Variants in ZNF77 observed in about 807,000 individuals in gnomAD.
The protein encoded by ZNF77 is ZNFpT1.
Under a neutral mutation model 13.5 loss-of-function variants are expected in ZNF77, and 15 were observed. The ratio of observed to expected loss-of-function variants is 1.11; its 90% CI spans 0.74 to 1.71. The LOEUF is 1.71. ZNF77 is among the 40% of genes most tolerant of loss of function. The pLI is 0.00. For missense variants in ZNF77, 717 were observed against 676.4 expected (o/e 1.06, Z -0.67); for synonymous variants, 282 against 250.0 (o/e 1.13, Z -1.21).
At chr19:2,937,199 T>C (rs960706668) in intron 2 of ZNF77, among the ~76,000 whole-genome samples, 1 of 151,780 alleles carries the variant, frequency 6.6e-6, no homozygotes, top group Non-Finnish European at 1.5e-5. Flanking sequence ...AAAAAAAGAA[T>C]AGTGCTGGAT....
intron 2 of ZNF77, among the ~76,000 whole-genome samples, chr19:2,937,004 G>C (rs2088403737): frequency 6.6e-6 from 1 of 151,994 alleles, no homozygotes; most frequent in Non-Finnish European, 1.5e-5. Context: ...GGAAAATAAG[G>C]AGACCTCATC....
chr19:2,938,052 C>G (rs570597701), intron 2 of ZNF77, among the ~76,000 whole-genome samples: 2 of 152,180 alleles, frequency 1.3e-5, no homozygotes, highest in African/African-American at 4.8e-5. Context: ...CCACTGCGTG[C>G]GGCCAGGGGT....
intron 1 of ZNF77, chr19:2,939,937 G>C (rs1451049045): frequency 6.4e-6 from 1 of 157,424 alleles, no homozygotes; most frequent in African/African-American, 2.4e-5. Flanking sequence ...CTATGACTGT[G>C]CCACTGCACT....
chr19:2,936,786 T>C (rs964483214), intron 2 of ZNF77, 82 bp from the exon 3 acceptor site: 14 of 1,292,226 alleles, frequency 1.1e-5, no homozygotes, highest in African/African-American at 1.5e-5. Context: ...TCTTTTCATA[T>C]AGTAATCCAA....
rs375971545 is a variant in ZNF77, at chr19:2,933,444, G to C, written c.*45C>G. ...ATAACGTTTCTCACATTTACAACAA[G>C]GTTTTACGGTTGAACACTCTCCCAG... is the stretch of plus-strand genomic sequence containing the variant. On this transcript the variant is annotated 3_prime_UTR_variant, in exon 4 of 4. Transcript: ENST00000314531. 2.5e-5 allele frequency: 37 copies of C among 1,501,692 alleles called. No homozygotes were observed. The highest frequency in any genetic ancestry group is 2.3e-4 in the Middle Eastern group (1 of 4,348). 93.0% of individuals were successfully genotyped at this position (1,501,692 alleles called of 1,614,324 possible).
Position 2,944,904 on chromosome 19 carries a change from G to A in ZNF77, c.-64C>T. On this transcript the variant is annotated 5_prime_UTR_variant, in exon 1 of 4. Coordinates refer to ENST00000314531, the MANE Select transcript of ZNF77 (RefSeq NM_021217.3). ...GCGGTCCAGCGACCGGCGCAGGTGA[G>A]CACGACAGGACACCTGAGCCGCTCG... 7 of 1,507,986 alleles carry A rather than the reference G, an allele frequency of 4.6e-6. No homozygotes were observed. In the Admixed American group the frequency reaches 1.1e-4, roughly 23 times the overall value. The allele number at this position is 1,507,986 out of a possible 1,614,324, so 93.4% of individuals were successfully genotyped here.
rs76396690 is a variant in ZNF77 at position 2,934,696 on chromosome 19, C to A, written c.431G>T (p.Cys144Phe). 2,485 of 1,614,130 alleles carry A rather than the reference C, an allele frequency of 1.5e-3. 17 individuals carry two copies. The African/African-American group carries it at 0.022, about 14-fold the overall frequency. ...SYPTEAKPSE[C>F]TKCGKAFENR... The stretch of plus-strand genomic sequence containing the variant: ...CTCGAAGGCTTTGCCACACTTAGTG[C>A]ACTCAGAGGGTTTAGCTTCGGTAGG... Residue 144 changes from cysteine (C) to phenylalanine (F), a missense_variant, in exon 4 of 4, where the codon TGC becomes TTC. Physicochemically the swap from Cys to Phe is radical, Grantham distance 205. Transcript: ENST00000314531.
At position 2,933,746 on chromosome 19, in the gene ZNF77, C is replaced by G; in HGVS notation, c.1381G>C (p.Glu461Gln). Reference sequence around the variant, plus strand: ...CATTGATTACATTCGTACGGTTTCTCTCCGCTGTGGGTTCGCACATGCTCT... The same window carrying G: ...CATTGATTACATTCGTACGGTTTCTGTCCGCTGTGGGTTCGCACATGCTCT... ...LREHVRTHSGEKPYECNQCGK... is the reference protein window; with the variant it reads ...LREHVRTHSGQKPYECNQCGK... The change falls in exon 4 of 4, where the codon GAG (glutamate) becomes CAG (glutamine). Residue 461 changes from glutamate to glutamine, a missense_variant. Transcript: ENST00000314531. 6.2e-7 allele frequency: 1 copy of G among 1,612,882 alleles called. No individual in the cohort carries two copies. The highest frequency in any genetic ancestry group is 8.5e-7 in the Non-Finnish European group (1 of 1,178,992).
rs1472585163 is a variant in ZNF77 at position 2,944,789 on chromosome 19, C to G, written c.3+49G>C. 7 of 1,495,116 alleles carry G rather than the reference C, an allele frequency of 4.7e-6. No homozygotes were observed. The East Asian group carries it at 1.8e-4, about 39-fold the overall frequency. The allele number at this position is 1,495,116 out of a possible 1,614,324, so 92.6% of individuals were successfully genotyped here. ...GAACTCGGGCGGAAGCCGGTTCCTG[C>G]CGCCCCACCTCGCCCTGGGCCCGGG... On this transcript the variant is annotated intron_variant, in intron 1 of 3. Coordinates refer to ENST00000314531, the MANE Select transcript of ZNF77 (RefSeq NM_021217.3).
chr19:2,937,250 G>A (rs374010315), intron 2 of ZNF77, among the ~76,000 whole-genome samples: 4 of 152,038 alleles, frequency 2.6e-5, no homozygotes, highest in African/African-American at 4.8e-5. Flanking sequence ...TTGGGAGGCC[G>A]AAGCGGGTGG....
At chr19:2,938,084 C>T (rs980050191) in intron 2 of ZNF77, among the ~76,000 whole-genome samples, 11 of 152,094 alleles carry the variant, frequency 7.2e-5, no homozygotes, top group Admixed American at 7.2e-4. Context: ...ACCCACGATG[C>T]CAAACGGAAC....
chr19:2,937,690 C>A (rs975597218), intron 2 of ZNF77, among the ~76,000 whole-genome samples: 3 of 152,040 alleles, frequency 2.0e-5, no homozygotes, highest in African/African-American at 7.2e-5. Context: ...GCAGGAGAAG[C>A]CACACAGGGC....
chr19:2,933,776 G>A lies in ZNF77; in HGVS notation c.1351C>T (p.Leu451Phe), dbSNP rs1408222622. The change falls in exon 4 of 4, where the codon CTT becomes TTT. Residue 451 changes from leucine to phenylalanine, a missense_variant. By Grantham distance (22) the Leu-to-Phe change is conservative. Coordinates refer to ENST00000314531, the MANE Select transcript of ZNF77 (RefSeq NM_021217.3). ...CTGTGGGTTCGCACATGCTCTCGAA[G>A]GGAGGAGTGACAGCTGAAGGCTTTC... The part of the protein sequence containing the change: ...CGKAFSCHSS[L>F]REHVRTHSGE... The A allele has an allele frequency of 1.2e-6, 2 of 1,613,130 alleles. No individual in the cohort carries two copies. Among genetic ancestry groups the A allele is most frequent in the East Asian group, 2.2e-5 (1 of 44,854 alleles).
At chr19:2,934,944 T>C (rs2088382871) in intron 3 of ZNF77, 129 bp from the exon 4 acceptor site, 2 of 1,226,892 alleles carry the variant, frequency 1.6e-6, no homozygotes, top group Middle Eastern at 2.9e-4. Context: ...TTCAGCACTG[T>C]CTGCCTGGTT....
chr19:2,942,004 G>A (rs940548217), intron 1 of ZNF77, among the ~76,000 whole-genome samples: 2 of 151,614 alleles, frequency 1.3e-5, no homozygotes, highest in African/African-American at 4.8e-5. Context: ...AGTGGCAGAA[G>A]GCAAAGAACA....
intron 1 of ZNF77, among the ~76,000 whole-genome samples, chr19:2,943,514 T>C (rs539706423): frequency 3.8e-4 from 58 of 151,794 alleles, no homozygotes; most frequent in Non-Finnish European, 5.7e-4. Flanking sequence ...TCCCCTGAGC[T>C]AGCTGACCAC....
chr19:2,944,232 T>C (rs1367696082), intron 1 of ZNF77, among the ~76,000 whole-genome samples: 1 of 90,976 alleles, frequency 1.1e-5, no homozygotes. Context: ...CTGCCCCCCT[T>C]AAAGTGCCCC....
At chr19:2,937,762 T>C (rs1000851441) in intron 2 of ZNF77, among the ~76,000 whole-genome samples, 1 of 151,660 alleles carries the variant, frequency 6.6e-6, no homozygotes, top group African/African-American at 2.4e-5. Flanking sequence ...TTTTTTGTTT[T>C]GTTTTGTTTT....
chr19:2,938,700 T>G (rs963760954), intron 2 of ZNF77, among the ~76,000 whole-genome samples: 1 of 152,176 alleles, frequency 6.6e-6, no homozygotes, highest in Non-Finnish European at 1.5e-5. Context: ...CTCACGCCTG[T>G]AATCCCAGCA....
Sources: gnomAD v4.1 joint callset for allele counts (sites outside exome capture counted in the v4.1 genomes callset) on GRCh38, gnomAD v4.1.1 for gene constraint, MANE v1.5 for transcripts, NCBI Gene and HGNC (gene_info 2026-07-23, HGNC 2026-07-21) for gene names.